TRDN: variants seen among roughly 807,000 people sequenced by gnomAD.
TRDN encodes the protein triadin.
In TRDN, 161 loss-of-function variants were observed where a neutral mutation model predicts 149.7. The observed-to-expected ratio is 1.08, with a 90% CI of 0.95 to 1.23. The LOEUF (loss-of-function observed/expected upper bound fraction) is 1.23, where lower values mean the gene tolerates loss of function less well. TRDN is among the 50% of genes most tolerant of loss of function. TRDN has a pLI of 0.00. For synonymous variants in TRDN, 294 were observed against 250.5 expected, an observed-to-expected ratio of 1.17 and a Z score of -1.64; for missense variants, 896 against 823.5, an observed-to-expected ratio of 1.09 and a Z score of -1.08.
At position 123,351,403 on chromosome 6, in the gene TRDN, T is replaced by C. The variant is rs1046159026; in HGVS notation, c.1369+1136A>G. On this transcript the variant is annotated intron_variant, in intron 21 of 40. Transcript: ENST00000334268. ...ATAAATGAACACACTGAAATTAGGA[T>C]CCAGTGCTCCCACTTTATATTTCAG... 1.7e-4 allele frequency: 164 copies of C among 984,758 alleles called. 2 individuals are homozygous for C. The highest frequency in any genetic ancestry group is 4.6e-5 in the Non-Finnish European group (38 of 829,574). 61.0% of individuals were successfully genotyped at this position (984,758 alleles called of 1,614,324 possible).
chr6:123,499,661 G>A (rs1250085997), intron 8 of TRDN, among the ~76,000 whole-genome samples: 16 of 126,278 alleles, frequency 1.3e-4, no homozygotes, highest in Non-Finnish European at 1.9e-4. Flanking sequence ...CTGAGATTGT[G>A]CCACTGCACT....
chr6:123,463,254 G>A (rs896200972), intron 10 of TRDN, among the ~76,000 whole-genome samples: 9 of 151,338 alleles, frequency 5.9e-5, no homozygotes, highest in African/African-American at 9.7e-5. Flanking sequence ...GGAGAATGGC[G>A]TGAACCCGGG....
At chr6:123,609,001 C>T (rs1020797611) in intron 1 of TRDN, among the ~76,000 whole-genome samples, 18 of 151,726 alleles carry the variant, frequency 1.2e-4, no homozygotes, top group African/African-American at 3.4e-4. Flanking sequence ...GGTGAAACCC[C>T]GTCTCTACTA....
At chr6:123,510,016 C>T (rs1690178493) in intron 7 of TRDN, 1 of 151,938 alleles carries the variant, frequency 6.6e-6, no homozygotes, top group African/African-American at 2.4e-5. Flanking sequence ...TTTAAAATGT[C>T]CACTAGATTT....
chr6:123,631,313 A>G (rs1345203950), intron 1 of TRDN, among the ~76,000 whole-genome samples: 1 of 152,004 alleles, frequency 6.6e-6, no homozygotes, highest in African/African-American at 2.4e-5. Flanking sequence ...AGCACTTTTT[A>G]GAACTATTTT....
chr6:123,353,383 A>T (rs771655614), intron 20 of TRDN, among the ~76,000 whole-genome samples: 3 of 151,900 alleles, frequency 2.0e-5, no homozygotes, highest in Non-Finnish European at 4.4e-5. Context: ...GATGAAACTT[A>T]GAAACATTCA....
At chr6:123,457,059 A>T (rs917784349) in intron 10 of TRDN, among the ~76,000 whole-genome samples, 1 of 152,254 alleles carries the variant, frequency 6.6e-6, no homozygotes, top group Admixed American at 6.5e-5. Flanking sequence ...AGAATTCCAT[A>T]ACAAGAAAGA....
At chr6:123,478,333 G>T (rs1436419944) in intron 9 of TRDN, among the ~76,000 whole-genome samples, 4 of 152,094 alleles carry the variant, frequency 2.6e-5, no homozygotes, top group Non-Finnish European at 5.9e-5. Flanking sequence ...CACAGAAGAG[G>T]CCCAGTACTT....
chr6:123,303,605 G>C (rs1481103497), intron 24 of TRDN, among the ~76,000 whole-genome samples: 23 of 152,162 alleles, frequency 1.5e-4, no homozygotes, highest in Admixed American at 1.4e-3. Context: ...TTCAGTGAGG[G>C]ACTGAGTGAA....
intron 23 of TRDN, among the ~76,000 whole-genome samples, chr6:123,330,041 C>A (rs2114723966): frequency 6.6e-6 from 1 of 152,072 alleles, no homozygotes; most frequent in Admixed American, 6.6e-5. Context: ...ATCCAACCAC[C>A]TGGTATGGGA....
intron 10 of TRDN, among the ~76,000 whole-genome samples, chr6:123,443,240 A>G (rs995340562): frequency 6.7e-6 from 1 of 149,330 alleles, no homozygotes; most frequent in African/African-American, 2.4e-5. Flanking sequence ...TATACATATT[A>G]TATATATTTT....
Position 123,538,412 on chromosome 6 carries a change from C to A in TRDN, c.425-7847G>T, listed in dbSNP as rs575080021. 2.0e-3 allele frequency among the ~76,000 whole-genome samples: 301 copies of A among 152,118 alleles called. 1 individual carries two copies. The highest frequency in any genetic ancestry group is 6.6e-3 in the African/African-American group (276 of 41,514). Reference sequence around the variant, plus strand: ...ATTATTAATATTTTAGATAAATATTCCAGATTATCCGTAAATATCTGTATA... The same window carrying A: ...ATTATTAATATTTTAGATAAATATTACAGATTATCCGTAAATATCTGTATA... On this transcript the variant is annotated intron_variant, in intron 4 of 40. Coordinates refer to ENST00000334268, the MANE Select transcript of TRDN (RefSeq NM_006073.4).
intron 1 of TRDN, 118 bp downstream of exon 1, chr6:123,636,636 T>C (rs1024241644): frequency 1.7e-6 from 2 of 1,199,414 alleles, no homozygotes; most frequent in Non-Finnish European, 2.4e-6. Flanking sequence ...TATAGAATCA[T>C]TGACCAAGGC....
In TRDN at chr6:123,342,068, T is replaced by C. The variant is rs75318298; in HGVS notation, c.1370-4399A>G. Among the ~76,000 whole-genome samples, 466 of 152,104 alleles carry C rather than the reference T, an allele frequency of 3.1e-3. 16 individuals are homozygous for C. In the East Asian group the frequency reaches 0.076, roughly 25 times the overall value. ...AGGTTTTGAGGCTGTGTGCCTCGGC[T>C]GCAAGCATTGGAGTATTCATATATA... is the stretch of plus-strand genomic sequence containing the variant. On this transcript the variant is annotated intron_variant, in intron 21 of 40. Transcript: ENST00000334268.
At chr6:123,373,842 C>G (rs1175100501) in intron 19 of TRDN, among the ~76,000 whole-genome samples, 1 of 152,062 alleles carries the variant, frequency 6.6e-6, no homozygotes, top group Non-Finnish European at 1.5e-5. Context: ...ACTATGTGCA[C>G]CATACTATAT....
chr6:123,270,373 C>T (rs1156332584), intron 30 of TRDN, among the ~76,000 whole-genome samples: 1 of 151,842 alleles, frequency 6.6e-6, no homozygotes, highest in Non-Finnish European at 1.5e-5. Flanking sequence ...ATTTTTTCCT[C>T]CAAGAAACTA....
At chr6:123,441,129 GTC>G (rs920127231) in intron 10 of TRDN, 37 of 152,118 alleles carry the variant, frequency 2.4e-4, no homozygotes, top group African/African-American at 8.7e-4. Flanking sequence ...AAGCACTATT[GTC>G]TCTGTTATAT....
chr6:123,417,208 G>A (rs746118515), intron 12 of TRDN, among the ~76,000 whole-genome samples: 8 of 152,144 alleles, frequency 5.3e-5, no homozygotes, highest in Non-Finnish European at 7.4e-5. Flanking sequence ...AAATTATTAT[G>A]TTATGATCTC....
chr6:123,469,820 T>G (rs1341210915), intron 9 of TRDN: 1 of 152,174 alleles, frequency 6.6e-6, no homozygotes, highest in Non-Finnish European at 1.5e-5. Context: ...GAGACAGAGA[T>G]TCAATGAGAA....
Sources: gnomAD v4.1 joint callset for allele counts (sites outside exome capture counted in the v4.1 genomes callset) on GRCh38, gnomAD v4.1.1 for gene constraint, MANE v1.5 for transcripts, NCBI Gene and HGNC (gene_info 2026-07-23, HGNC 2026-07-21) for gene names.